The following RHOU variants were observed in gnomAD, a reference collection of about 807,000 sequenced individuals.
The protein encoded by RHOU is rho-related GTP-binding protein RhoU.
In RHOU, 8 loss-of-function variants were observed where a neutral mutation model predicts 12.6. The ratio of observed to expected loss-of-function variants is 0.64; its 90% CI spans 0.37 to 1.15. The LOEUF (loss-of-function observed/expected upper bound fraction) is 1.15, where lower values mean the gene tolerates loss of function less well. Ranked by LOEUF, RHOU falls within the 50% of genes most tolerant of loss-of-function variation. The pLI is 0.01. For missense variants in RHOU, 258 were observed against 347.0 expected (o/e 0.74, Z 2.04); for synonymous variants, 161 against 147.4 (o/e 1.09, Z -0.67).
At chr1:228,689,076 T>C in the RHOU span, among the ~76,000 whole-genome samples, 1 of 152,176 alleles carries the variant, frequency 6.6e-6, no homozygotes, top group Non-Finnish European at 1.5e-5. Context: ...AACAGTCCCT[T>C]CAGAAGCTGC....
the RHOU span, among the ~76,000 whole-genome samples, chr1:228,669,549 T>A: frequency 6.6e-6 from 1 of 152,238 alleles, no homozygotes; most frequent in East Asian, 1.9e-4. Context: ...ACTGAGGTAA[T>A]CCATGAGCTT....
chr1:228,647,045 G>C, the RHOU span, among the ~76,000 whole-genome samples: 454 of 152,224 alleles, frequency 3.0e-3, 2 homozygotes, highest in African/African-American at 0.01. Context: ...GAGGAGGAGG[G>C]AGCTAGAGAG....
At chr1:228,741,237 C>T (rs59913078) in intron 2 of RHOU, among the ~76,000 whole-genome samples, 3 of 152,094 alleles carry the variant, frequency 2.0e-5, no homozygotes, top group South Asian at 2.1e-4. Context: ...GGCCTCAGAA[C>T]GCCTTTTCTT....
the RHOU span, among the ~76,000 whole-genome samples, chr1:228,729,950 A>G: frequency 2.0e-5 from 3 of 152,212 alleles, no homozygotes; most frequent in African/African-American, 7.2e-5. Flanking sequence ...TTACCATGAC[A>G]CTAACTGATG....
At chr1:228,664,665 T>C in the RHOU span, among the ~76,000 whole-genome samples, 6 of 152,058 alleles carry the variant, frequency 3.9e-5, no homozygotes, top group Non-Finnish European at 7.4e-5. Flanking sequence ...CAGAGGTTTG[T>C]CCTTGTTGCC....
chr1:228,669,107 AC>A, the RHOU span, among the ~76,000 whole-genome samples: 2 of 152,360 alleles, frequency 1.3e-5, no homozygotes, highest in African/African-American at 4.8e-5. Context: ...TGGGCAGGCA[AC>A]AGGTGTTTTC....
At position 228,744,030 on chromosome 1, in the gene RHOU, A is replaced by G; in HGVS notation, c.*290A>G. 1 of 321,124 alleles carries G rather than the reference A, an allele frequency of 3.1e-6. No homozygotes were observed. 19.9% of individuals were successfully genotyped at this position (321,124 alleles called of 1,614,324 possible). On this transcript the variant is annotated 3_prime_UTR_variant, in exon 3 of 3. Coordinates refer to ENST00000366691, the MANE Select transcript of RHOU (RefSeq NM_021205.6). Reference sequence around the variant, plus strand: ...GGTTAATTTATATCTAATATGAAGAAGACACCTCTAATCTGGATGTTAAGA... The same window carrying G: ...GGTTAATTTATATCTAATATGAAGAGGACACCTCTAATCTGGATGTTAAGA...
chr1:228,675,639 A>T, the RHOU span, among the ~76,000 whole-genome samples: 1 of 152,200 alleles, frequency 6.6e-6, no homozygotes, highest in Non-Finnish European at 1.5e-5. Flanking sequence ...TGAGAATTTG[A>T]TGTTTTTAAA....
At chr1:228,679,472 A>G in the RHOU span, among the ~76,000 whole-genome samples, 177 of 150,292 alleles carry the variant, frequency 1.2e-3, no homozygotes, top group Middle Eastern at 6.8e-3. Flanking sequence ...TTTATCTAGA[A>G]CAGAATAATG....
At chr1:228,708,499 A>C in the RHOU span, among the ~76,000 whole-genome samples, 8 of 151,674 alleles carry the variant, frequency 5.3e-5, no homozygotes, top group South Asian at 2.1e-4. Context: ...GTGGGGGCCA[A>C]TATTCAACAT....
the RHOU span, among the ~76,000 whole-genome samples, chr1:228,704,917 C>T: frequency 6.6e-6 from 1 of 152,180 alleles, no homozygotes; most frequent in Admixed American, 6.6e-5. Flanking sequence ...TCTCCTGCCT[C>T]AGCCTCCCAA....
At chr1:228,675,758 A>C in the RHOU span, among the ~76,000 whole-genome samples, 1 of 152,242 alleles carries the variant, frequency 6.6e-6, no homozygotes, top group East Asian at 1.9e-4. Flanking sequence ...ATATTGGTAT[A>C]ATGATTTTAT....
chr1:228,711,681 C>T, the RHOU span, among the ~76,000 whole-genome samples: 2 of 152,094 alleles, frequency 1.3e-5, no homozygotes, highest in Non-Finnish European at 2.9e-5. Flanking sequence ...AAGACTTAAA[C>T]GTTAGACCTA....
At chr1:228,681,985 AC>A in the RHOU span, among the ~76,000 whole-genome samples, 36 of 152,178 alleles carry the variant, frequency 2.4e-4, no homozygotes, top group African/African-American at 8.7e-4. Flanking sequence ...GTGATCAGAC[AC>A]CAATGGGGTG....
the RHOU span, among the ~76,000 whole-genome samples, chr1:228,648,351 C>G: frequency 6.6e-6 from 1 of 152,344 alleles, no homozygotes; most frequent in Non-Finnish European, 1.5e-5. Flanking sequence ...CGGGCAGCCT[C>G]CATTCCGCCG....
Position 228,745,610 on chromosome 1 carries a change from G to A in RHOU, c.*1870G>A, listed in dbSNP as rs1028569481. On this transcript the variant is annotated 3_prime_UTR_variant, in exon 3 of 3. Transcript: ENST00000366691. ...TATTCAACACATTGGAATTGATGTC[G>A]GTCATAGTTTCCTGAAGCATTTAGT... The A allele has an allele frequency of 3.3e-5, 5 of 152,050 alleles. No individual in the cohort carries two copies. The highest frequency in any genetic ancestry group is 2.6e-4 in the Admixed American group (4 of 15,266). 9.4% of individuals were successfully genotyped at this position (152,050 alleles called of 1,614,324 possible).
upstream of RHOU, among the ~76,000 whole-genome samples, chr1:228,733,815 G>T (rs991819291): frequency 6.6e-6 from 1 of 152,208 alleles, no homozygotes; most frequent in East Asian, 1.9e-4. Flanking sequence ...TATCTACATA[G>T]GAGAACTGTA....
At chr1:228,661,727 T>C in the RHOU span, among the ~76,000 whole-genome samples, 1 of 152,136 alleles carries the variant, frequency 6.6e-6, no homozygotes, top group Non-Finnish European at 1.5e-5. Context: ...ATAAAAACCC[T>C]AGAAGAAAAC....
rs905962469 is a variant in RHOU at position 228,745,780 on chromosome 1, G to A, written c.*2040G>A. On this transcript the variant is annotated 3_prime_UTR_variant, in exon 3 of 3. Transcript: ENST00000366691. ...CTCTGCCTGTCTGGTGCCTGGAGGT[G>A]TGGGAGGGAAGATGAGTTATTTAAC... The A allele has an allele frequency of 7.9e-5, 12 of 152,266 alleles. No individual in the cohort carries two copies. The highest frequency in any genetic ancestry group is 4.6e-4 in the Admixed American group (7 of 15,290). The allele number at this position is 152,266 out of a possible 1,614,324, so 9.4% of individuals were successfully genotyped here.
Sources: gnomAD v4.1 joint callset for allele counts (sites outside exome capture counted in the v4.1 genomes callset) on GRCh38, gnomAD v4.1.1 for gene constraint, MANE v1.5 for transcripts, NCBI Gene and HGNC (gene_info 2026-07-23, HGNC 2026-07-21) for gene names.